STIL: variants seen among roughly 807,000 people sequenced by gnomAD.
STIL encodes the protein STIL centriolar assembly protein, also known as SCL-interrupting locus protein.
A neutral mutation model predicts 110.1 loss-of-function variants in STIL; 55 were observed. The ratio of observed to expected loss-of-function variants is 0.50; its 90% confidence interval spans 0.40 to 0.63. The LOEUF (loss-of-function observed/expected upper bound fraction) is 0.63. Among genes scored for constraint, STIL ranks in the 20% least tolerant of loss-of-function variants. The pLI, the probability that STIL is intolerant of heterozygous loss-of-function variation, is 0.00. For synonymous variants in STIL, 481 were observed against 530.0 expected, an observed-to-expected ratio of 0.91 and a Z score of 1.27; for missense variants, 1,358 against 1,530.0, an observed-to-expected ratio of 0.89 and a Z score of 1.87.
chr1:47,301,289 C>T (rs1470074178), intron 5 of STIL, among the ~76,000 whole-genome samples: 1 of 152,104 alleles, frequency 6.6e-6, no homozygotes, highest in Admixed American at 6.6e-5. Context: ...TCTGACTGCC[C>T]ACAAATTCAG....
chr1:47,280,662 G>A lies in STIL; in HGVS notation c.1796C>T (p.Ser599Phe), dbSNP rs1645132085. The A allele has an allele frequency of 1.2e-6, 2 of 1,614,218 alleles. No individual in the cohort carries two copies. The highest frequency in any genetic ancestry group is 1.1e-5 in the South Asian group (1 of 91,090). ...IPTPPLPSYCSTNVCRCCQHH... is the reference protein window; with the variant it reads ...IPTPPLPSYCFTNVCRCCQHH... Reference sequence around the variant, plus strand: ...CTGACAACACCTGCAAACGTTTGTGGAACAGTAAGATGGCAGTGGGGGAGT... The same window carrying A: ...CTGACAACACCTGCAAACGTTTGTGAAACAGTAAGATGGCAGTGGGGGAGT... The change falls in exon 12 of 17, where the codon TCC becomes TTC. Residue 599 changes from serine to phenylalanine, a missense_variant. Physicochemically the swap from Ser to Phe is radical, Grantham distance 155. Transcript: ENST00000371877.
intron 5 of STIL, among the ~76,000 whole-genome samples, chr1:47,300,783 G>C (rs918205505): frequency 6.6e-6 from 1 of 152,122 alleles, no homozygotes; most frequent in Non-Finnish European, 1.5e-5. Flanking sequence ...TTCCGATTGA[G>C]CCTCAGAGAA....
chr1:47,287,963 CAA>C (rs1645353301), intron 9 of STIL, among the ~76,000 whole-genome samples: 2 of 149,524 alleles, frequency 1.3e-5, no homozygotes, highest in African/African-American at 4.9e-5. Context: ...GTATAAAATA[CAA>C]AAACTTTATA....
At chr1:47,255,828 C>A (rs1644313398) in intron 16 of STIL, among the ~76,000 whole-genome samples, 1 of 152,130 alleles carries the variant, frequency 6.6e-6, no homozygotes, top group South Asian at 2.1e-4. Flanking sequence ...GCCTTCCTGC[C>A]TTTAGACTCT....
intron 10 of STIL, 108 bp downstream of exon 10, chr1:47,287,443 G>A (rs1168710078): frequency 6.8e-6 from 5 of 733,302 alleles, no homozygotes; most frequent in Non-Finnish European, 1.1e-5. Context: ...TGGTACATAA[G>A]ATTTAAAAAA....
intron 10 of STIL, among the ~76,000 whole-genome samples, chr1:47,287,060 A>C (rs11578360): frequency 0.26 from 39,374 of 152,006 alleles, 5,415 homozygotes; most frequent in Non-Finnish European, 0.31. Context: ...TGATAGGTCC[A>C]GATTTAAAAC....
At chr1:47,283,575 A>T (rs1301051930) in intron 10 of STIL, 1 of 152,290 alleles carries the variant, frequency 6.6e-6, no homozygotes, top group Non-Finnish European at 1.5e-5. Flanking sequence ...AAAACACCTC[A>T]GCAGATTGTA....
In STIL at chr1:47,273,422, A is replaced by C. The variant is rs564589983; in HGVS notation, c.2218-1181T>G. Among the ~76,000 whole-genome samples the C allele has an allele frequency of 2.6e-5, 4 of 152,300 alleles. No homozygotes were observed. In the South Asian group the frequency reaches 8.3e-4, roughly 32 times the overall value. On this transcript the variant is annotated intron_variant, in intron 12 of 16. Coordinates refer to ENST00000371877, the MANE Select transcript of STIL (RefSeq NM_001048166.1). ...ATGATTTCTATCTCTGAATTTGCCT[A>C]TTCTGGACATTTCATATAAACAGTA...
At position 47,280,264 on chromosome 1, in the gene STIL, G is replaced by A; in HGVS notation, c.2194C>T (p.Gln732Ter). Reference sequence around the variant, plus strand: ...ACCTGTGCCTGAAGTAGTCTTAGCTGTCTGTCTTGTTCTGTGAGGAACCGA... The same window carrying A: ...ACCTGTGCCTGAAGTAGTCTTAGCTATCTGTCTTGTTCTGTGAGGAACCGA... ...AYRFLTEQDR[Q>*]LRLLQAQIQR... is the part of the protein sequence containing the mutation. Residue 732 changes from glutamine to a stop codon, truncating the protein, a stop_gained, in exon 12 of 17, where the codon CAG becomes TAG. Coordinates refer to ENST00000371877, the MANE Select transcript of STIL (RefSeq NM_001048166.1). LOFTEE classifies it high-confidence loss of function. The A allele has an allele frequency of 2.5e-6, 4 of 1,614,214 alleles. No homozygotes were observed. Among genetic ancestry groups the A allele is most frequent in the East Asian group, 2.2e-5 (1 of 44,886 alleles).
rs774978188 is a variant in STIL, at chr1:47,280,864, G to A, written c.1594C>T (p.His532Tyr). 1.9e-6 allele frequency: 3 copies of A among 1,614,208 alleles called. No homozygotes were observed. The highest frequency in any genetic ancestry group is 2.5e-6 in the Non-Finnish European group (3 of 1,180,038). Residue 532 changes from histidine (H) to tyrosine (Y), a missense_variant, in exon 12 of 17, where the codon CAT (histidine) becomes TAT (tyrosine). His to Tyr is a moderately conservative substitution (Grantham distance 83, BLOSUM62 2). Coordinates refer to ENST00000371877, the MANE Select transcript of STIL (RefSeq NM_001048166.1). Reference protein sequence around the residue: ...IKPSSHNGPSHDIFEKLQTVS... With the variant: ...IKPSSHNGPSYDIFEKLQTVS... ...GTTTGGAGCTTTTCAAATATATCAT[G>A]AGATGGCCCATTATGAGAAGATGGT... is the stretch of plus-strand genomic sequence containing the variant.
chr1:47,313,537 AC>A (rs1422503716), intron 1 of STIL, among the ~76,000 whole-genome samples: 1 of 151,198 alleles, frequency 6.6e-6, no homozygotes, highest in African/African-American at 2.4e-5. Flanking sequence ...GCCCTAGTAA[AC>A]CCCCGCCATC....
rs143211398 is a variant in STIL, at chr1:47,263,006, G to C, written c.2726C>G (p.Ala909Gly). Residue 909 changes from alanine to glycine, a missense_variant, in exon 15 of 17, where the codon GCC (alanine) becomes GGC (glycine). Ala to Gly is a moderately conservative substitution (Grantham distance 60). Coordinates refer to ENST00000371877, the MANE Select transcript of STIL (RefSeq NM_001048166.1). ...MCLQTGPTGG[A>G]SNNSETSEEP... The stretch of plus-strand genomic sequence containing the variant: ...CTCTGATGTTTCAGAATTGTTACTG[G>C]CACCCCCTGTTGGTCCAGTCTGTAA... 1.1e-5 allele frequency: 17 copies of C among 1,613,956 alleles called. No individual in the cohort carries two copies. Among genetic ancestry groups the C allele is most frequent in the Non-Finnish European group, 1.4e-5 (16 of 1,180,004 alleles).
At chr1:47,272,680 G>T (rs1312851155) in intron 12 of STIL, among the ~76,000 whole-genome samples, 1 of 152,006 alleles carries the variant, frequency 6.6e-6, no homozygotes, top group Non-Finnish European at 1.5e-5. Context: ...AAACTCCTGG[G>T]CTCAAGCAAT....
intron 16 of STIL, among the ~76,000 whole-genome samples, chr1:47,256,635 A>C (rs1338124525): frequency 1.1e-4 from 17 of 150,526 alleles, no homozygotes; most frequent in Non-Finnish European, 1.9e-4. Flanking sequence ...AAAAAAAAAA[A>C]AAAATCTTGC....
chr1:47,255,109 A>G (rs1283666302), intron 16 of STIL, among the ~76,000 whole-genome samples: 1 of 151,978 alleles, frequency 6.6e-6, no homozygotes, highest in Non-Finnish European at 1.5e-5. Context: ...CCCTAGGCAA[A>G]ATAGAGACCA....
At chr1:47,302,199 G>A (rs1185207048) in intron 4 of STIL, 35 bp downstream of exon 4, 1 of 1,486,962 alleles carries the variant, frequency 6.7e-7, no homozygotes, top group Non-Finnish European at 9.4e-7. Context: ...GGGATTACAG[G>A]CGTGAGCACT....
chr1:47,292,784 T>C (rs1277500676), intron 8 of STIL, among the ~76,000 whole-genome samples: 3 of 152,194 alleles, frequency 2.0e-5, no homozygotes, highest in Non-Finnish European at 2.9e-5. Context: ...GGAAGAGAGA[T>C]CTACTTTTAT....
At position 47,302,233 on chromosome 1, in the gene STIL, C is replaced by T; in HGVS notation, c.265+1G>A. 2 of 1,607,560 alleles carry T rather than the reference C, an allele frequency of 1.2e-6. No homozygotes were observed. The highest frequency in any genetic ancestry group is 1.7e-6 in the Non-Finnish European group (2 of 1,174,152). On this transcript the variant is annotated splice_donor_variant, in intron 4 of 16. Transcript: ENST00000371877. LOFTEE classifies it high-confidence loss of function. The stretch of plus-strand genomic sequence containing the variant: ...CTGGTCCATTTTTAAAAGTGTATTA[C>T]CTTCGTCTGCTGTCAGAGAACCAAG...
At position 47,299,919 on chromosome 1, in the gene STIL, C is replaced by G; in HGVS notation, c.687G>C (p.Gly229=). 6.2e-7 allele frequency: 1 copy of G among 1,613,762 alleles called. No homozygotes were observed. The highest frequency in any genetic ancestry group is 1.3e-5 in the African/African-American group (1 of 74,992). The change falls in exon 6 of 17, where the codon GGG becomes GGC. Residue 229 remains glycine, a synonymous_variant. Transcript: ENST00000371877. Reference sequence around the variant, plus strand: ...CTTTTACTTACCCATATTTATAAGTCCCTTGAACTTGAGAAATATTCAGAT... The same window carrying G: ...CTTTTACTTACCCATATTTATAAGTGCCTTGAACTTGAGAAATATTCAGAT... The part of the protein sequence containing the change: ...SSNLNISQVQ[G]TYKYGYLTMD...
Sources: allele counts gnomAD v4.1 joint callset (sites outside exome capture counted in the v4.1 genomes callset), GRCh38; gene constraint gnomAD v4.1.1; transcripts MANE v1.5; gene names NCBI Gene and HGNC (gene_info 2026-07-23, HGNC 2026-07-21).